Variants in N4BP2L1 observed in about 807,000 individuals in gnomAD.
The protein encoded by N4BP2L1 is NEDD4 binding protein 2 like 1.
N4BP2L1 carries 12 observed loss-of-function variants against 21.2 expected under a neutral mutation model. The observed-to-expected ratio is 0.57, with a 90% CI of 0.36 to 0.92. The LOEUF is 0.92. Among genes scored for constraint, N4BP2L1 ranks in the 40% least tolerant of loss-of-function variants. N4BP2L1 has a pLI of 0.01. For missense variants in N4BP2L1, 259 were observed against 310.6 expected, an observed-to-expected ratio of 0.83 and a Z score of 1.25; for synonymous variants, 104 against 112.8, an observed-to-expected ratio of 0.92 and a Z score of 0.49.
intron 1 of N4BP2L1, among the ~76,000 whole-genome samples, chr13:32,411,316 G>C (rs963001480): frequency 1.3e-4 from 16 of 124,370 alleles, no homozygotes; most frequent in African/African-American, 4.8e-4. Context: ...TCACCTTTAA[G>C]GCCAAGGATT....
upstream of N4BP2L1, among the ~76,000 whole-genome samples, chr13:32,428,769 G>A (rs1381799725): frequency 1.3e-5 from 2 of 152,256 alleles, no homozygotes; most frequent in Admixed American, 6.5e-5. Context: ...AAGGGCTACC[G>A]CCCAGGTACC....
chr13:32,411,420 T>C (rs1259014398), intron 1 of N4BP2L1: 9 of 612,194 alleles, frequency 1.5e-5, no homozygotes, highest in Non-Finnish European at 1.8e-5. Flanking sequence ...CTAGCAGCCA[T>C]AGTAGCATGT....
Position 32,427,905 on chromosome 13 carries a change from T to G in N4BP2L1, c.178A>C (p.Arg60=). 6.6e-7 allele frequency: 1 copy of G among 1,504,042 alleles called. No homozygotes were observed. The highest frequency in any genetic ancestry group is 8.9e-7 in the Non-Finnish European group (1 of 1,126,022). The allele number at this position is 1,504,042 out of a possible 1,614,324, so 93.2% of individuals were successfully genotyped here. A position where few individuals can be genotyped will look rare whatever the true frequency, so the allele number is the denominator to read the frequency against. The change falls in exon 1 of 5, where the codon AGA becomes CGA. Residue 60 remains arginine (R), a splice_region_variant and synonymous_variant. Transcript: ENST00000380130. ...LPGSGKTTLA[R]QLQHDFPRAL... is the part of the protein sequence containing the mutation. The stretch of plus-strand genomic sequence containing the variant: ...CGGCGCCCAGACCGCTGTCATTACC[T>G]GGCCAGTGTAGTTTTCCCGGAGCCC...
chr13:32,428,469 TAGACC>T (rs1172890481), upstream of N4BP2L1, among the ~76,000 whole-genome samples: 3 of 151,946 alleles, frequency 2.0e-5, no homozygotes, highest in Admixed American at 6.6e-5. Context: ...CCGACCTGCC[TAGACC>T]CTGAAAGTGA....
chr13:32,414,164 G>A (rs1364899425), intron 1 of N4BP2L1, among the ~76,000 whole-genome samples: 2 of 152,200 alleles, frequency 1.3e-5, no homozygotes, highest in Non-Finnish European at 2.9e-5. Flanking sequence ...TTACAGGCGT[G>A]AGCCACTGTG....
intron 1 of N4BP2L1, among the ~76,000 whole-genome samples, chr13:32,418,232 C>A (rs571572340): frequency 6.6e-6 from 1 of 152,284 alleles, no homozygotes; most frequent in South Asian, 2.1e-4. Flanking sequence ...AAACTTTGTG[C>A]CCTGCTTCCC....
intron 4 of N4BP2L1, among the ~76,000 whole-genome samples, chr13:32,403,970 T>A (rs1303379245): frequency 6.6e-6 from 1 of 152,216 alleles, no homozygotes; most frequent in Non-Finnish European, 1.5e-5. Context: ...CTGCTCAACC[T>A]CTAAAGATCT....
intron 4 of N4BP2L1, among the ~76,000 whole-genome samples, chr13:32,403,485 C>T (rs569919230): frequency 1.3e-5 from 2 of 152,296 alleles, no homozygotes; most frequent in East Asian, 3.9e-4. Flanking sequence ...CATAAAAGAA[C>T]ACCATGAGAT....
chr13:32,422,673 G>T lies in N4BP2L1; in HGVS notation c.179+5231C>A, dbSNP rs377498821. Among the ~76,000 whole-genome samples, 24 of 152,250 alleles carry T rather than the reference G, an allele frequency of 1.6e-4. No individual in the cohort carries two copies. In the South Asian group the frequency reaches 4.8e-3, roughly 30 times the overall value. ...TTTCCTGATACAGCCTCTCCAATGA[G>T]CAAGAACAAGCACATACCACGCTGT... On this transcript the variant is annotated intron_variant, in intron 1 of 4. Transcript: ENST00000380130.
upstream of N4BP2L1, chr13:32,428,162 C>T: frequency 7.5e-7 from 1 of 1,342,190 alleles, no homozygotes; most frequent in Non-Finnish European, 9.7e-7. Flanking sequence ...GTTTTTGTGA[C>T]TCTCCGGCCA....
chr13:32,406,448 C>T (rs2073513816), intron 3 of N4BP2L1: 1 of 151,962 alleles, frequency 6.6e-6, no homozygotes, highest in South Asian at 2.1e-4. Flanking sequence ...AGTGTTAATC[C>T]TAAATCTGTT....
intron 2 of N4BP2L1, 98 bp from the exon 3 acceptor site, chr13:32,407,436 T>C (rs1566293766): frequency 6.3e-7 from 1 of 1,599,494 alleles, no homozygotes; most frequent in East Asian, 2.2e-5. Flanking sequence ...GATGCCCTCA[T>C]CTCCTCATCA....
At chr13:32,406,693 C>T (rs1437510046) in intron 3 of N4BP2L1, 1 of 152,596 alleles carries the variant, frequency 6.6e-6, no homozygotes, top group Non-Finnish European at 1.5e-5. Context: ...TGGTCTCGAA[C>T]TCCTGGACTC....
At position 32,413,002 on chromosome 13, in the gene N4BP2L1, C is replaced by T. The variant is rs746202291; in HGVS notation, c.180-5230G>A. On this transcript the variant is annotated intron_variant, in intron 1 of 4. Transcript: ENST00000380130. ...GCAGTGGCACGATCTCGGCTCACTG[C>T]AACCTCCACCTCCCGGGTTCAATCA... Among the ~76,000 whole-genome samples, 3 of 152,200 alleles carry T rather than the reference C, an allele frequency of 2.0e-5. No individual in the cohort carries two copies. The East Asian group carries it at 5.8e-4, about 29-fold the overall frequency.
In N4BP2L1 at chr13:32,422,531, C is replaced by T. The variant is rs749348036; in HGVS notation, c.179+5373G>A. 3.3e-5 allele frequency among the ~76,000 whole-genome samples: 5 copies of T among 152,164 alleles called. No homozygotes were observed. The East Asian group carries it at 7.7e-4, about 23-fold the overall frequency. On this transcript the variant is annotated intron_variant, in intron 1 of 4. Coordinates refer to ENST00000380130, the MANE Select transcript of N4BP2L1 (RefSeq NM_052818.3). ...TCCTTCATCCATTTCTACTTCCTCT[C>T]GGGTCATAATCCACACCTGCAATAT...
chr13:32,427,849 C>T (rs1240713070), intron 1 of N4BP2L1, 55 bp downstream of exon 1: 70 of 1,235,096 alleles, frequency 5.7e-5, no homozygotes, highest in Non-Finnish European at 6.9e-5. Context: ...TGCGCTCGGC[C>T]GGGGCGTTTG....
chr13:32,421,196 CT>C (rs1324010338), intron 1 of N4BP2L1, among the ~76,000 whole-genome samples: 1 of 152,176 alleles, frequency 6.6e-6, no homozygotes, highest in African/African-American at 2.4e-5. Context: ...AATAAAGTTC[CT>C]GATCTCATGG....
upstream of N4BP2L1, chr13:32,428,154 T>A: frequency 7.4e-7 from 1 of 1,357,116 alleles, no homozygotes; most frequent in Non-Finnish European, 9.6e-7. Flanking sequence ...AAGCTGTTGT[T>A]TTTGTGACTC....
chr13:32,402,100 CTAAT>C lies in N4BP2L1; in HGVS notation c.*838_*841del, dbSNP rs2073160728. The C allele has an allele frequency of 1.0e-6, 1 of 985,076 alleles. No homozygotes were observed. The highest frequency in any genetic ancestry group is 1.7e-5 in the African/African-American group (1 of 57,224). The allele number at this position is 985,076 out of a possible 1,614,324, so 61.0% of individuals were successfully genotyped here. On this transcript the variant is annotated 3_prime_UTR_variant, in exon 5 of 5. Coordinates refer to ENST00000380130, the MANE Select transcript of N4BP2L1 (RefSeq NM_052818.3). ...CACTCCCAAACATTTGAGCTGCCGACTAATTACACATGTTAATAGGCATAATTTT... is the reference window on the plus strand; with the variant it reads ...CACTCCCAAACATTTGAGCTGCCGACTACACATGTTAATAGGCATAATTTT...
Sources: allele counts gnomAD v4.1 joint callset (sites outside exome capture counted in the v4.1 genomes callset), GRCh38; gene constraint gnomAD v4.1.1; transcripts MANE v1.5; gene names NCBI Gene and HGNC (gene_info 2026-07-23, HGNC 2026-07-21).